POLR3E: variants seen among roughly 807,000 people sequenced by gnomAD.
POLR3E encodes RNA polymerase III subunit E.
A neutral mutation model predicts 96.6 loss-of-function variants in POLR3E; 41 were observed. The observed-to-expected ratio is 0.42, with a 90% CI of 0.33 to 0.55. The LOEUF is 0.55. POLR3E is among the 20% of genes least tolerant of loss of function. The pLI is 0.06. For synonymous variants in POLR3E, 396 were observed against 383.6 expected (o/e 1.03, Z -0.38); for missense variants, 849 against 952.1 (o/e 0.89, Z 1.43).
rs1183321603 is a variant in POLR3E at position 22,322,395 on chromosome 16, C to G, written c.987-455C>G. 6.6e-6 allele frequency among the ~76,000 whole-genome samples: 1 copy of G among 152,170 alleles called. No individual in the cohort carries two copies. Among genetic ancestry groups the G allele is most frequent in the Non-Finnish European group, 1.5e-5 (1 of 68,030 alleles). On this transcript the variant is annotated intron_variant, in intron 13 of 20. Coordinates refer to ENST00000299853, the MANE Select transcript of POLR3E (RefSeq NM_018119.4). The surrounding 1 kb of genome is among the most constrained non-coding windows in gnomAD (Gnocchi z 5.2). ...GTTCTCTCCGAGGGCTAACATGCCT[C>G]CCCTGCCTCTGACCTCGGTTCATGC...
At chr16:22,300,248 T>C (rs149364931) in intron 1 of POLR3E, among the ~76,000 whole-genome samples, 7 of 152,344 alleles carry the variant, frequency 4.6e-5, no homozygotes, top group Admixed American at 3.9e-4. Context: ...TTGTTTCAGT[T>C]ATGCAACTGT....
chr16:22,309,457 C>G lies in POLR3E; in HGVS notation c.311C>G (p.Ser104Cys). The stretch of plus-strand genomic sequence containing the variant: ...CTGATGGACAAGCAGACCTTCTGCT[C>G]TTCCCAGACCACCAGTAACACATCC... ...SKLMDKQTFC[S>C]SQTTSNTSRY... Residue 104 changes from serine (S) to cysteine (C), a missense_variant, in exon 6 of 21, where the codon TCT becomes TGT. Physicochemically the swap from Ser to Cys is moderately radical, Grantham distance 112. Coordinates refer to ENST00000299853, the MANE Select transcript of POLR3E (RefSeq NM_018119.4). 6.2e-7 allele frequency: 1 copy of G among 1,613,918 alleles called. No individual in the cohort carries two copies. Among genetic ancestry groups the G allele is most frequent in the Non-Finnish European group, 8.5e-7 (1 of 1,179,924 alleles).
intron 13 of POLR3E, 56 bp downstream of exon 13, chr16:22,319,002 T>G: frequency 5.3e-6 from 7 of 1,321,608 alleles, no homozygotes; most frequent in Non-Finnish European, 7.3e-6. Flanking sequence ...GAGGCAGAGC[T>G]TCACTCTTGT....
chr16:22,322,801 A>AGG lies in POLR3E; in HGVS notation c.987-45_987-44dup. On this transcript the variant is annotated intron_variant, in intron 13 of 20. Transcript: ENST00000299853. The surrounding 1 kb of genome is among the most constrained non-coding windows in gnomAD (Gnocchi z 5.2). ...GCTTGGCCGGGAGGGGTAGCGGTAG[A>AGG]GGGGGCTCAGGGCAGGGACTGACCT... 7.6e-7 allele frequency: 1 copy of AGG among 1,322,994 alleles called. No homozygotes were observed. The highest frequency in any genetic ancestry group is 1.1e-6 in the Non-Finnish European group (1 of 919,836). The allele number at this position is 1,322,994 out of a possible 1,614,324, so 82.0% of individuals were successfully genotyped here.
Position 22,335,029 on chromosome 16 carries a change from TAAC to T in POLR3E, c.*1332_*1334del, listed in dbSNP as rs1040172609. On this transcript the variant is annotated 3_prime_UTR_variant, in exon 21 of 21. Coordinates refer to ENST00000299853, the MANE Select transcript of POLR3E (RefSeq NM_018119.4). ...CAAATAAGTATTTGGTAACATCACT[TAAC>T]AAGTTGATCGTGTATTGATTCTGTT... 6 of 152,376 alleles carry T rather than the reference TAAC, an allele frequency of 3.9e-5. No individual in the cohort carries two copies. Among genetic ancestry groups the T allele is most frequent in the South Asian group, 4.1e-4 (2 of 4,834 alleles). 9.4% of individuals were successfully genotyped at this position (152,376 alleles called of 1,614,324 possible).
intron 13 of POLR3E, among the ~76,000 whole-genome samples, chr16:22,320,898 T>C (rs2048460023): frequency 6.6e-6 from 1 of 152,238 alleles, no homozygotes; most frequent in African/African-American, 2.4e-5. Context: ...TTTGTTCTTA[T>C]TCCTTTGAAG....
chr16:22,318,720 C>T lies in POLR3E; in HGVS notation c.866-106C>T. 1.6e-6 allele frequency: 2 copies of T among 1,216,558 alleles called. No individual in the cohort carries two copies. Among genetic ancestry groups the T allele is most frequent in the Non-Finnish European group, 2.3e-6 (2 of 856,386 alleles). The allele number at this position is 1,216,558 out of a possible 1,614,324, so 75.4% of individuals were successfully genotyped here. A position where few individuals can be genotyped will look rare whatever the true frequency, so the allele number is the denominator to read the frequency against. ...TGGGTGTCATTACTGTTAGTTATCACATTCTGGGGTTATTACATGAACTTG... is the reference window on the plus strand; with the variant it reads ...TGGGTGTCATTACTGTTAGTTATCATATTCTGGGGTTATTACATGAACTTG... On this transcript the variant is annotated intron_variant, in intron 12 of 20. Transcript: ENST00000299853. The surrounding 1 kb of genome is among the most constrained non-coding windows in gnomAD (Gnocchi z 5.0).
At chr16:22,333,548 T>C (rs937710300) in intron 20 of POLR3E, 96 bp from the exon 21 acceptor site, 18 of 860,786 alleles carry the variant, frequency 2.1e-5, no homozygotes, top group Non-Finnish European at 3.6e-5. Context: ...TTGTATTCTA[T>C]TCACTAATCA....
chr16:22,328,601 T>C lies in POLR3E; in HGVS notation c.1944+14T>C. ...ATGAGTGATCAGGTGAGGTGAACTT[T>C]GCTGCCATCTTCCCGAAGAGCCAGG... is the stretch of plus-strand genomic sequence containing the variant. On this transcript the variant is annotated intron_variant, in intron 19 of 20. Coordinates refer to ENST00000299853, the MANE Select transcript of POLR3E (RefSeq NM_018119.4). 1 of 1,610,264 alleles carries C rather than the reference T, an allele frequency of 6.2e-7. No individual in the cohort carries two copies. The highest frequency in any genetic ancestry group is 1.1e-5 in the South Asian group (1 of 91,028).
At chr16:22,317,956 C>A (rs937397951) in intron 12 of POLR3E, among the ~76,000 whole-genome samples, 11 of 152,010 alleles carry the variant, frequency 7.2e-5, no homozygotes, top group Non-Finnish European at 1.3e-4. Context: ...GAACAACAGA[C>A]CTGATCCTTG....
intron 16 of POLR3E, 31 bp downstream of exon 16, chr16:22,324,691 C>T (rs368256239): frequency 6.1e-5 from 99 of 1,611,212 alleles, no homozygotes; most frequent in African/African-American, 9.4e-5. Context: ...AGGGGCAGCC[C>T]GGTGATCCCA....
intron 1 of POLR3E, among the ~76,000 whole-genome samples, chr16:22,301,214 G>A (rs1385679577): frequency 6.6e-6 from 1 of 152,136 alleles, no homozygotes; most frequent in East Asian, 1.9e-4. Flanking sequence ...GAGGAGGGTA[G>A]GAGGCTTGTG....
intron 19 of POLR3E, 198 bp downstream of exon 19, chr16:22,328,785 T>TGGTTCCC (rs1167950512): frequency 4.3e-5 from 24 of 555,186 alleles, no homozygotes; most frequent in East Asian, 2.5e-4. Context: ...CCTAAACCAG[T>TGGTTCCC]GGTTCCCAGA....
chr16:22,321,353 C>T (rs562778202), intron 13 of POLR3E, among the ~76,000 whole-genome samples: 1 of 152,306 alleles, frequency 6.6e-6, no homozygotes, highest in South Asian at 2.1e-4. Flanking sequence ...TAAGAAAATA[C>T]AATGCCTTGA....
chr16:22,314,883 G>A (rs1361790198), intron 8 of POLR3E: 5 of 481,418 alleles, frequency 1.0e-5, no homozygotes, highest in East Asian at 3.5e-5. Flanking sequence ...GGGCAGGCAC[G>A]AGCAAGTATA....
At chr16:22,298,563 T>G (rs895890710) in intron 1 of POLR3E, among the ~76,000 whole-genome samples, 4 of 152,154 alleles carry the variant, frequency 2.6e-5, no homozygotes, top group Non-Finnish European at 5.9e-5. Flanking sequence ...GTGGTGGGAT[T>G]TGAACCTGCA....
intron 1 of POLR3E, among the ~76,000 whole-genome samples, chr16:22,298,463 G>A (rs146639974): frequency 1.3e-5 from 2 of 152,298 alleles, no homozygotes; most frequent in African/African-American, 4.8e-5. Flanking sequence ...GGGTCTGGAG[G>A]TCGGTACTTA....
chr16:22,298,574 C>G (rs1026796152), intron 1 of POLR3E, among the ~76,000 whole-genome samples: 3 of 152,128 alleles, frequency 2.0e-5, no homozygotes, highest in African/African-American at 7.2e-5. Context: ...TGAACCTGCA[C>G]AGTTTTGTTC....
At chr16:22,305,748 C>G (rs2048120841) in intron 3 of POLR3E, among the ~76,000 whole-genome samples, 1 of 152,156 alleles carries the variant, frequency 6.6e-6, no homozygotes, top group African/African-American at 2.4e-5. Context: ...ACCTCTGCCC[C>G]CTCCCCTTGC....
Sources: gnomAD v4.1 joint callset for allele counts (sites outside exome capture counted in the v4.1 genomes callset) on GRCh38, gnomAD v4.1.1 for gene constraint, Gnocchi (gnomAD v3.1) non-coding constraint, MANE v1.5 for transcripts, NCBI Gene and HGNC (gene_info 2026-07-23, HGNC 2026-07-21) for gene names.